Variants in GRID1 observed in about 807,000 individuals in gnomAD.
The protein encoded by GRID1 is glutamate ionotropic receptor delta type subunit 1.
Under a neutral mutation model 98.0 loss-of-function variants are expected in GRID1, and 28 were observed. The observed-to-expected ratio is 0.29, with a 90% confidence interval of 0.21 to 0.39. GRID1 has a LOEUF of 0.39. Ranked by LOEUF, GRID1 falls within the 10% of genes least tolerant of loss-of-function variation. The pLI, the probability that GRID1 is intolerant of heterozygous loss-of-function variation, is 1.00. For missense variants in GRID1, 1,111 were observed against 1,340.5 expected (o/e 0.83, Z 2.67); for synonymous variants, 553 against 538.5 (o/e 1.03, Z -0.37).
At chr10:85,876,798 G>A (rs1843337027) in intron 5 of GRID1, among the ~76,000 whole-genome samples, 1 of 152,202 alleles carries the variant, frequency 6.6e-6, no homozygotes, top group African/African-American at 2.4e-5. Flanking sequence ...GCCGAAGGAG[G>A]GCGAGGCATT....
At chr10:85,972,720 T>C (rs1319163954) in intron 4 of GRID1, among the ~76,000 whole-genome samples, 2 of 151,932 alleles carry the variant, frequency 1.3e-5, no homozygotes, top group Admixed American at 1.3e-4. Context: ...ATACAATCCT[T>C]ATATATTTAT....
At chr10:85,608,278 C>G (rs959282764) in intron 15 of GRID1, among the ~76,000 whole-genome samples, 5 of 152,164 alleles carry the variant, frequency 3.3e-5, no homozygotes, top group South Asian at 2.1e-4. Context: ...ATCAGAAGCA[C>G]AGGTGGAGAT....
intron 2 of GRID1, among the ~76,000 whole-genome samples, chr10:86,224,467 C>T (rs370480530): frequency 7.9e-5 from 12 of 152,154 alleles, no homozygotes; most frequent in African/African-American, 2.9e-4. Context: ...CACCCACTGC[C>T]CTGCCACAGC....
chr10:85,604,817 T>C (rs1842638574), intron 15 of GRID1, among the ~76,000 whole-genome samples: 1 of 152,244 alleles, frequency 6.6e-6, no homozygotes, highest in South Asian at 2.1e-4. Flanking sequence ...TTATAACCGT[T>C]ATACAGTGTG....
chr10:85,914,957 G>A (rs1841592419), intron 5 of GRID1, among the ~76,000 whole-genome samples: 1 of 152,100 alleles, frequency 6.6e-6, no homozygotes, highest in Non-Finnish European at 1.5e-5. Context: ...TGGGCAGAGG[G>A]GATTCTTTGG....
intron 8 of GRID1, among the ~76,000 whole-genome samples, chr10:85,736,548 G>T (rs1292938238): frequency 6.6e-6 from 1 of 152,174 alleles, no homozygotes; most frequent in Non-Finnish European, 1.5e-5. Flanking sequence ...ACCAGTGACT[G>T]CCATGATCTG....
At chr10:85,984,778 C>A (rs1282696019) in intron 4 of GRID1, among the ~76,000 whole-genome samples, 1 of 152,130 alleles carries the variant, frequency 6.6e-6, no homozygotes, top group South Asian at 2.1e-4. Flanking sequence ...CACATAGGTA[C>A]ATTCACAGCC....
rs1237332696 is a variant in GRID1 at position 86,063,456 on chromosome 10, C to A, written c.726+75363G>T. Reference sequence around the variant, plus strand: ...TCCAATAACTACAGTGCCCAGACTCCAAAAAGGTTATTTCAAAACTGGGCA... The same window carrying A: ...TCCAATAACTACAGTGCCCAGACTCAAAAAAGGTTATTTCAAAACTGGGCA... On this transcript the variant is annotated intron_variant, in intron 4 of 15. Transcript: ENST00000327946. Among the ~76,000 whole-genome samples, 4 of 152,008 alleles carry A rather than the reference C, an allele frequency of 2.6e-5. No individual in the cohort carries two copies. In the East Asian group the frequency reaches 7.7e-4, roughly 29 times the overall value.
chr10:85,784,777 G>A (rs927214300), intron 8 of GRID1, among the ~76,000 whole-genome samples: 5 of 152,230 alleles, frequency 3.3e-5, no homozygotes, highest in Non-Finnish European at 7.3e-5. Context: ...CTTTAAGGAC[G>A]AGGTGTGCAT....
In GRID1 at chr10:86,033,824, C is replaced by T. The variant is rs185263839; in HGVS notation, c.726+104995G>A. ...CTACCACAGCAACAAGTGCCCAATTCCCACCAACCAGCTCCAGTGTTAAAC... is the reference window on the plus strand; with the variant it reads ...CTACCACAGCAACAAGTGCCCAATTTCCACCAACCAGCTCCAGTGTTAAAC... On this transcript the variant is annotated intron_variant, in intron 4 of 15. Coordinates refer to ENST00000327946, the MANE Select transcript of GRID1 (RefSeq NM_017551.3). 2.6e-3 allele frequency among the ~76,000 whole-genome samples: 389 copies of T among 152,332 alleles called. 10 individuals carry two copies. The highest frequency in any genetic ancestry group is 8.4e-4 in the Non-Finnish European group (57 of 68,024).
chr10:86,248,786 T>C (rs1301620137), intron 2 of GRID1, among the ~76,000 whole-genome samples: 2 of 152,154 alleles, frequency 1.3e-5, no homozygotes, highest in African/African-American at 2.4e-5. Context: ...TTGCTCAGGG[T>C]GGTCTTGAAC....
intron 2 of GRID1, among the ~76,000 whole-genome samples, chr10:86,331,155 T>G (rs1257897832): frequency 1.3e-5 from 2 of 152,238 alleles, no homozygotes; most frequent in East Asian, 3.9e-4. Flanking sequence ...TGGCTTGGCC[T>G]GGCCCACGGG....
intron 2 of GRID1, among the ~76,000 whole-genome samples, chr10:86,359,373 T>C (rs1196381026): frequency 6.6e-6 from 1 of 152,176 alleles, no homozygotes; most frequent in African/African-American, 2.4e-5. Flanking sequence ...TCTAGCAGAA[T>C]GTCTAGATAC....
intron 3 of GRID1, among the ~76,000 whole-genome samples, chr10:86,165,462 G>T (rs1361002591): frequency 1.3e-5 from 2 of 152,224 alleles, no homozygotes; most frequent in Non-Finnish European, 2.9e-5. Context: ...AGCATTGCTT[G>T]CTGGCCTCCT....
chr10:86,203,396 A>G (rs1175792749), intron 3 of GRID1, among the ~76,000 whole-genome samples: 2 of 151,556 alleles, frequency 1.3e-5, no homozygotes, highest in East Asian at 2.0e-4. Context: ...CCACACTTGC[A>G]CTCCGAGGGC....
chr10:86,014,396 T>C (rs61856020), intron 4 of GRID1, among the ~76,000 whole-genome samples: 6,751 of 152,318 alleles, frequency 0.044, 209 homozygotes, highest in Middle Eastern at 0.082. Context: ...CAACATAGAC[T>C]GGATGTTTTC....
chr10:85,703,250 A>G (rs899685621), intron 12 of GRID1, among the ~76,000 whole-genome samples: 1 of 152,098 alleles, frequency 6.6e-6, no homozygotes, highest in African/African-American at 2.4e-5. Context: ...ACTACTTATT[A>G]TATTGCTCAA....
At chr10:85,947,395 T>C (rs778730706) in intron 4 of GRID1, among the ~76,000 whole-genome samples, 1 of 152,190 alleles carries the variant, frequency 6.6e-6, no homozygotes, top group African/African-American at 2.4e-5. Flanking sequence ...TTTCTTATTA[T>C]AATGGCCATG....
At chr10:86,117,280 ACACCATCAC>A (rs1410740889) in intron 4 of GRID1, among the ~76,000 whole-genome samples, 145 of 136,548 alleles carry the variant, frequency 1.1e-3, no homozygotes, top group Non-Finnish European at 1.7e-3. Flanking sequence ...ACTAACACCA[ACACCATCAC>A]CACCATCACC....
Sources: allele counts gnomAD v4.1 joint callset (sites outside exome capture counted in the v4.1 genomes callset), GRCh38; gene constraint gnomAD v4.1.1; transcripts MANE v1.5; gene names NCBI Gene and HGNC (gene_info 2026-07-23, HGNC 2026-07-21).